Variants in SND1 observed in about 807,000 individuals in gnomAD.
SND1 encodes the protein staphylococcal nuclease domain-containing protein 1.
Under a neutral mutation model 121.7 loss-of-function variants are expected in SND1, and 38 were observed. That is an observed-to-expected ratio of 0.31 (90% CI 0.24 to 0.41). The LOEUF (loss-of-function observed/expected upper bound fraction) is 0.41, where lower values mean the gene tolerates loss of function less well. Among genes scored for constraint, SND1 ranks in the 10% least tolerant of loss-of-function variants. The pLI is 1.00. For synonymous variants in SND1, 401 were observed against 447.4 expected (o/e 0.90, Z 1.31); for missense variants, 868 against 1,184.6 (o/e 0.73, Z 3.92).
At position 127,887,988 on chromosome 7, in the gene SND1, A is replaced by G. The variant is rs1255521630; in HGVS notation, c.1430A>G (p.Asp477Gly). The G allele has an allele frequency of 6.2e-7, 1 of 1,611,932 alleles. No individual in the cohort carries two copies. Among genetic ancestry groups the G allele is most frequent in the Non-Finnish European group, 8.5e-7 (1 of 1,178,736 alleles). ...QDDDQRSSHYDELLAAEARAI... is the reference protein window; with the variant it reads ...QDDDQRSSHYGELLAAEARAI... Reference sequence around the variant, plus strand: ...GATGACCAGAGATCATCACACTACGATGAACTGCTTGCTGCAGAGGCCAGG... The same window carrying G: ...GATGACCAGAGATCATCACACTACGGTGAACTGCTTGCTGCAGAGGCCAGG... The change falls in exon 13 of 24, where the codon GAT (aspartate) becomes GGT (glycine). Residue 477 changes from aspartate (D) to glycine (G), a missense_variant. Around this residue, in one of 2 missense-constraint regions of SND1, gnomAD observed 743 missense variants for 1,071.3 expected, o/e 0.69. Coordinates refer to ENST00000354725, the MANE Select transcript of SND1 (RefSeq NM_014390.4).
At chr7:127,699,389 G>A (rs933538117) in intron 4 of SND1, among the ~76,000 whole-genome samples, 2 of 152,200 alleles carry the variant, frequency 1.3e-5, no homozygotes, top group African/African-American at 4.8e-5. Flanking sequence ...TACAGTCAGT[G>A]CAAGGAATAA....
intron 10 of SND1, among the ~76,000 whole-genome samples, chr7:127,723,326 T>A (rs1231412223): frequency 1.3e-5 from 2 of 152,224 alleles, no homozygotes; most frequent in Non-Finnish European, 2.9e-5. Flanking sequence ...TTAGGCAGAA[T>A]CCTGATTATA....
intron 16 of SND1, among the ~76,000 whole-genome samples, chr7:128,064,908 G>T (rs1323190232): frequency 2.6e-5 from 4 of 152,174 alleles, no homozygotes; most frequent in Non-Finnish European, 5.9e-5. Flanking sequence ...AATCTGAGAA[G>T]AAATTATTTA....
chr7:127,780,659 T>G (rs1797702279), intron 10 of SND1, among the ~76,000 whole-genome samples: 1 of 152,264 alleles, frequency 6.6e-6, no homozygotes, highest in Non-Finnish European at 1.5e-5. Context: ...GTTCTCTGTT[T>G]AGGGTTTTGC....
intron 5 of SND1, 147 bp from the exon 6 acceptor site, chr7:127,702,288 A>T (rs1203031486): frequency 1.5e-6 from 1 of 667,810 alleles, no homozygotes; most frequent in Non-Finnish European, 2.7e-6. Context: ...AACTCTCATG[A>T]TCTGCAAGTG....
intron 10 of SND1, among the ~76,000 whole-genome samples, chr7:127,755,120 C>T (rs1199185491): frequency 6.6e-6 from 1 of 152,108 alleles, no homozygotes; most frequent in East Asian, 1.9e-4. Flanking sequence ...TAAATGATGC[C>T]AAGAAGTGTA....
In SND1 at chr7:127,702,535, A is replaced by C; in HGVS notation, c.681+9A>C. On this transcript the variant is annotated intron_variant, in intron 6 of 23. Transcript: ENST00000354725. ...TGCTGTCAGGCATCAAGGTCAGACCATACTCTTGGCTACGTGGTGGGTTTA... is the reference window on the plus strand; with the variant it reads ...TGCTGTCAGGCATCAAGGTCAGACCCTACTCTTGGCTACGTGGTGGGTTTA... The C allele has an allele frequency of 6.2e-7, 1 of 1,612,022 alleles. No individual in the cohort carries two copies. The highest frequency in any genetic ancestry group is 8.5e-7 in the Non-Finnish European group (1 of 1,178,116).
chr7:127,736,610 G>A (rs1023979973), intron 10 of SND1, among the ~76,000 whole-genome samples: 1 of 152,206 alleles, frequency 6.6e-6, no homozygotes, highest in African/African-American at 2.4e-5. Context: ...AATGTATGCG[G>A]TTTGTACCAC....
chr7:127,980,484 G>GT (rs1005773537), intron 15 of SND1, among the ~76,000 whole-genome samples: 4 of 151,874 alleles, frequency 2.6e-5, no homozygotes, highest in African/African-American at 7.3e-5. Context: ...CAGCCCAGAG[G>GT]TTTTTTTTAT....
intron 10 of SND1, among the ~76,000 whole-genome samples, chr7:127,755,758 A>G (rs1797183969): frequency 6.6e-6 from 1 of 152,242 alleles, no homozygotes; most frequent in South Asian, 2.1e-4. Context: ...TAGGATAATG[A>G]ATTGTCATGC....
At chr7:127,891,788 C>T (rs1800013474) in intron 13 of SND1, among the ~76,000 whole-genome samples, 1 of 152,102 alleles carries the variant, frequency 6.6e-6, no homozygotes, top group Non-Finnish European at 1.5e-5. Context: ...TATCATTCTT[C>T]AGCCACTTTT....
At chr7:127,985,039 T>C (rs1802353284) in intron 15 of SND1, among the ~76,000 whole-genome samples, 1 of 152,244 alleles carries the variant, frequency 6.6e-6, no homozygotes, top group Admixed American at 6.5e-5. Flanking sequence ...AGAGCTGTTT[T>C]TCCTATTGCT....
intron 16 of SND1, chr7:128,031,456 G>C (rs1482798907): frequency 6.6e-6 from 1 of 151,786 alleles, no homozygotes; most frequent in Non-Finnish European, 1.5e-5. Flanking sequence ...GCGGAGCGGC[G>C]AGAGTTAAGA....
rs1803198910 is a variant in SND1 at position 128,015,138 on chromosome 7, T to A, written c.1779+24082T>A. 6.6e-6 allele frequency among the ~76,000 whole-genome samples: 1 copy of A among 152,186 alleles called. No homozygotes were observed. Among genetic ancestry groups the A allele is most frequent in the Non-Finnish European group, 1.5e-5 (1 of 68,046 alleles). ...CTGAGCCAACCTTGATTCACAGTAG[T>A]GCAGATGGCCCCAGCCATACCCAGG... On this transcript the variant is annotated intron_variant, in intron 16 of 23. Transcript: ENST00000354725. This position sits in a 1 kb window ranked among gnomAD's most constrained non-coding sequence, Gnocchi z 4.5.
intron 15 of SND1, among the ~76,000 whole-genome samples, chr7:127,969,256 C>T (rs541411267): frequency 3.3e-5 from 5 of 152,058 alleles, no homozygotes; most frequent in Admixed American, 6.5e-5. Flanking sequence ...GAAGGTATAC[C>T]GAGCTGCTTC....
intron 17 of SND1, among the ~76,000 whole-genome samples, chr7:128,079,861 C>A (rs1360596047): frequency 3.3e-5 from 5 of 152,212 alleles, no homozygotes; most frequent in Admixed American, 6.5e-5. Context: ...CTCCCCACCC[C>A]CCACCAACAA....
chr7:127,990,044 G>A (rs1474472664), intron 15 of SND1, among the ~76,000 whole-genome samples: 1 of 152,182 alleles, frequency 6.6e-6, no homozygotes, highest in Non-Finnish European at 1.5e-5. Flanking sequence ...CAGGTTGGTT[G>A]TGGGGGTCAA....
At chr7:127,825,408 C>T (rs769464497) in intron 11 of SND1, among the ~76,000 whole-genome samples, 2 of 151,458 alleles carry the variant, frequency 1.3e-5, no homozygotes, top group Non-Finnish European at 2.9e-5. Flanking sequence ...TGCTCCTGGC[C>T]ACCTTTTTTT....
At chr7:128,087,117 C>T in intron 21 of SND1, 66 bp downstream of exon 21, 1 of 1,223,986 alleles carries the variant, frequency 8.2e-7, no homozygotes. Flanking sequence ...TGCAGCAGCC[C>T]TCATGGGCTG....
Sources: gnomAD v4.1 joint callset for allele counts (sites outside exome capture counted in the v4.1 genomes callset) on GRCh38, gnomAD v4.1.1 for gene constraint, gnomAD v4.1.1 regional missense constraint, Gnocchi (gnomAD v3.1) non-coding constraint, MANE v1.5 for transcripts, NCBI Gene and HGNC (gene_info 2026-07-23, HGNC 2026-07-21) for gene names.